CHRM3: variants seen among roughly 807,000 people sequenced by gnomAD.
The protein encoded by CHRM3 is muscarinic acetylcholine receptor M3.
In CHRM3, 11 loss-of-function variants were observed where a neutral mutation model predicts 41.8. That is an observed-to-expected ratio of 0.26 (90% confidence interval 0.17 to 0.44). The LOEUF (loss-of-function observed/expected upper bound fraction) is 0.44, where lower values mean the gene tolerates loss of function less well. Ranked by LOEUF, CHRM3 falls within the 20% of genes least tolerant of loss-of-function variation. The probability of loss-of-function intolerance (pLI) is 1.00; values close to 1 mark genes in which losing one functional copy is unlikely to be tolerated. For missense variants in CHRM3, 571 were observed against 745.4 expected (o/e 0.77, Z 2.72); for synonymous variants, 297 against 301.4 (o/e 0.99, Z 0.15).
intron 1 of CHRM3, among the ~76,000 whole-genome samples, chr1:239,479,828 A>C (rs528645438): frequency 6.6e-6 from 1 of 152,234 alleles, no homozygotes; most frequent in African/African-American, 2.4e-5. Flanking sequence ...CAGGACTGCA[A>C]GTTGCTCTAG....
chr1:239,600,478 A>G (rs185021431), intron 3 of CHRM3, among the ~76,000 whole-genome samples: 104 of 152,198 alleles, frequency 6.8e-4, no homozygotes, highest in African/African-American at 2.4e-3. Flanking sequence ...GGAAACAAGA[A>G]AGACATCTTT....
intron 5 of CHRM3, among the ~76,000 whole-genome samples, chr1:239,809,800 A>G (rs1433249409): frequency 6.6e-6 from 1 of 152,054 alleles, no homozygotes; most frequent in Non-Finnish European, 1.5e-5. Flanking sequence ...TGCCTGGCCT[A>G]CTGTAGTTGT....
intron 5 of CHRM3, among the ~76,000 whole-genome samples, chr1:239,723,303 A>C (rs1005691162): frequency 1.3e-5 from 2 of 151,968 alleles, no homozygotes; most frequent in Admixed American, 1.3e-4. Flanking sequence ...TAAGGAAAAA[A>C]ATAAATGCAT....
intron 4 of CHRM3, among the ~76,000 whole-genome samples, chr1:239,663,911 A>T (rs7513450): frequency 0.023 from 3,481 of 152,252 alleles, 144 homozygotes; most frequent in African/African-American, 0.08. Context: ...GTAGGATGAA[A>T]TGTTGGTTGG....
At chr1:239,556,788 A>T (rs1280583195) in intron 3 of CHRM3, among the ~76,000 whole-genome samples, 1 of 152,162 alleles carries the variant, frequency 6.6e-6, no homozygotes, top group African/African-American at 2.4e-5. Flanking sequence ...ACCACTATTT[A>T]TAAAGAGTTC....
intron 1 of CHRM3, among the ~76,000 whole-genome samples, chr1:239,458,345 T>G (rs556088558): frequency 2.0e-5 from 3 of 152,176 alleles, no homozygotes; most frequent in Non-Finnish European, 4.4e-5. Flanking sequence ...CCCATATTTT[T>G]AAGATGACTG....
chr1:239,443,455 A>G (rs372214964), intron 1 of CHRM3, among the ~76,000 whole-genome samples: 1 of 152,222 alleles, frequency 6.6e-6, no homozygotes, highest in Admixed American at 6.5e-5. Context: ...AGAAAAAAAA[A>G]CTTCCAGTAA....
At chr1:239,652,641 GA>G (rs5782088) in intron 4 of CHRM3, among the ~76,000 whole-genome samples, 13 of 149,270 alleles carry the variant, frequency 8.7e-5, no homozygotes, top group African/African-American at 2.0e-4. Context: ...ACTATGACAG[GA>G]AAAAAAAAAG....
chr1:239,665,824 A>G (rs907951860), intron 4 of CHRM3, among the ~76,000 whole-genome samples: 1 of 152,052 alleles, frequency 6.6e-6, no homozygotes, highest in African/African-American at 2.4e-5. Flanking sequence ...AGCTTCATCC[A>G]TGTCCCTGCA....
intron 5 of CHRM3, among the ~76,000 whole-genome samples, chr1:239,780,239 TC>T (rs1163442542): frequency 1.3e-5 from 2 of 152,228 alleles, no homozygotes; most frequent in East Asian, 3.9e-4. Flanking sequence ...CATTTTGCGT[TC>T]CTGTTGGCAA....
rs572408258 is a variant in CHRM3 at position 239,661,908 on chromosome 1, G to T, written c.-249-16278G>T. On this transcript the variant is annotated intron_variant, in intron 4 of 6. Coordinates refer to ENST00000676153, the MANE Select transcript of CHRM3 (RefSeq NM_001375978.1). The stretch of plus-strand genomic sequence containing the variant: ...TAACAAAGGAAACTGTGTGTGAGAA[G>T]GGGGAAAGGAAAGATAGTTTATAGG... Among the ~76,000 whole-genome samples, 7 of 152,056 alleles carry T rather than the reference G, an allele frequency of 4.6e-5. No homozygotes were observed. The East Asian group carries it at 1.4e-3, about 29-fold the overall frequency.
At chr1:239,899,155 A>T (rs1184553895) in intron 6 of CHRM3, among the ~76,000 whole-genome samples, 4 of 152,120 alleles carry the variant, frequency 2.6e-5, no homozygotes, top group Non-Finnish European at 5.9e-5. Flanking sequence ...AAATTTAATG[A>T]AGTGATATTG....
chr1:239,633,612 A>G (rs985268482), intron 4 of CHRM3, among the ~76,000 whole-genome samples: 1 of 152,160 alleles, frequency 6.6e-6, no homozygotes, highest in African/African-American at 2.4e-5. Flanking sequence ...GCTACAGCCA[A>G]TGAGCTCTCA....
intron 2 of CHRM3, among the ~76,000 whole-genome samples, chr1:239,500,854 T>C (rs1180679403): frequency 6.6e-6 from 1 of 152,144 alleles, no homozygotes; most frequent in East Asian, 1.9e-4. Flanking sequence ...GGACAAGAAC[T>C]CACCAACCAT....
chr1:239,893,513 G>A (rs971674479), intron 6 of CHRM3, among the ~76,000 whole-genome samples: 1 of 152,064 alleles, frequency 6.6e-6, no homozygotes, highest in Admixed American at 6.5e-5. Flanking sequence ...CAACTCCTTG[G>A]TACATCCATT....
At chr1:239,770,230 G>T (rs1405028271) in intron 5 of CHRM3, among the ~76,000 whole-genome samples, 1 of 152,160 alleles carries the variant, frequency 6.6e-6, no homozygotes, top group East Asian at 1.9e-4. Flanking sequence ...TAGGTTTGTG[G>T]AGGCCTAGAT....
intron 2 of CHRM3, among the ~76,000 whole-genome samples, chr1:239,516,630 A>G (rs9428836): frequency 0.51 from 76,978 of 152,080 alleles, 19,782 homozygotes; most frequent in Middle Eastern, 0.65. Flanking sequence ...AAAGCAGTGC[A>G]TGAATCTTGC....
At position 239,907,051 on chromosome 1, in the gene CHRM3, C is replaced by T. The variant is rs1680023661; in HGVS notation, c.-19-382C>T. Among the ~76,000 whole-genome samples the T allele has an allele frequency of 6.6e-6, 1 of 152,106 alleles. No homozygotes were observed. Among genetic ancestry groups the T allele is most frequent in the South Asian group, 2.1e-4 (1 of 4,822 alleles). ...TAAAATGCAAATCAAGTCAAGTTATCAATTTAGCATGAAGATAAAGCTGTT... is the reference window on the plus strand; with the variant it reads ...TAAAATGCAAATCAAGTCAAGTTATTAATTTAGCATGAAGATAAAGCTGTT... On this transcript the variant is annotated intron_variant, in intron 6 of 6. Coordinates refer to ENST00000676153, the MANE Select transcript of CHRM3 (RefSeq NM_001375978.1). This position sits in a 1 kb window ranked among gnomAD's most constrained non-coding sequence, Gnocchi z 5.4.
chr1:239,478,643 A>C (rs1359807951), intron 1 of CHRM3, among the ~76,000 whole-genome samples: 3 of 152,196 alleles, frequency 2.0e-5, no homozygotes, highest in African/African-American at 7.2e-5. Context: ...TCAGTCCATA[A>C]ATTTAATAGT....
Sources: gnomAD v4.1 joint callset for allele counts (sites outside exome capture counted in the v4.1 genomes callset) on GRCh38, gnomAD v4.1.1 for gene constraint, Gnocchi (gnomAD v3.1) non-coding constraint, MANE v1.5 for transcripts, NCBI Gene and HGNC (gene_info 2026-07-23, HGNC 2026-07-21) for gene names.